Variants in OSTN observed in about 807,000 individuals in gnomAD.
OSTN encodes the protein osteocrin.
A neutral mutation model predicts 12.0 loss-of-function variants in OSTN; 9 were observed. The ratio of observed to expected loss-of-function variants is 0.75; its 90% CI spans 0.45 to 1.30. The LOEUF (loss-of-function observed/expected upper bound fraction) is 1.30, where lower values mean the gene tolerates loss of function less well. OSTN is among the 50% of genes most tolerant of loss of function. The pLI, the probability that OSTN is intolerant of heterozygous loss-of-function variation, is 0.00. For synonymous variants in OSTN, 59 were observed against 56.9 expected, an observed-to-expected ratio of 1.04 and a Z score of -0.16; for missense variants, 148 against 152.3, an observed-to-expected ratio of 0.97 and a Z score of 0.15.
rs763833031 is a variant in OSTN, at chr3:191,215,186, CA to C, written c.102+2555del. On this transcript the variant is annotated intron_variant, in intron 2 of 4. Transcript: ENST00000682035. Reference sequence around the variant, plus strand: ...GGTGGCGGGAAGGAGACTGAATTACCAAACATTTATAAAACCACCAGATCTT... The same window carrying C: ...GGTGGCGGGAAGGAGACTGAATTACCAACATTTATAAAACCACCAGATCTT... Among the ~76,000 whole-genome samples, 16 of 152,124 alleles carry C rather than the reference CA, an allele frequency of 1.1e-4. No individual in the cohort carries two copies. The East Asian group carries it at 1.9e-3, about 18-fold the overall frequency.
intron 3 of OSTN, among the ~76,000 whole-genome samples, chr3:191,219,314 G>C (rs999342142): frequency 1.3e-5 from 2 of 152,180 alleles, no homozygotes; most frequent in East Asian, 3.8e-4. Context: ...ATTTACTAGA[G>C]GTAACAGGAA....
intron 4 of OSTN, among the ~76,000 whole-genome samples, chr3:191,254,238 G>A (rs1207701069): frequency 6.6e-6 from 1 of 152,238 alleles, no homozygotes; most frequent in South Asian, 2.1e-4. Flanking sequence ...GTTAAAAACT[G>A]TCTAGAGCAG....
intron 2 of OSTN, among the ~76,000 whole-genome samples, chr3:191,214,436 CAAAAAAAAAA>C (rs71298518): frequency 1.6e-4 from 3 of 19,346 alleles, no homozygotes; most frequent in African/African-American, 3.5e-4. Context: ...GACTCCATCT[CAAAAAAAAAA>C]AAAAAAAAAA....
intron 3 of OSTN, among the ~76,000 whole-genome samples, chr3:191,232,598 A>C (rs1278980634): frequency 7.3e-6 from 1 of 137,522 alleles, no homozygotes; most frequent in Non-Finnish European, 1.6e-5. Context: ...GCAGTGACTA[A>C]ATCATTTTTT....
intron 1 of OSTN, among the ~76,000 whole-genome samples, chr3:191,204,880 A>T (rs113182353): frequency 2.9e-4 from 44 of 152,200 alleles, no homozygotes; most frequent in African/African-American, 9.9e-4. Flanking sequence ...ATAGAAAAAA[A>T]TTGGCTTCAA....
intron 3 of OSTN, among the ~76,000 whole-genome samples, chr3:191,233,839 CA>C (rs962122904): frequency 2.6e-5 from 4 of 152,138 alleles, no homozygotes; most frequent in African/African-American, 9.6e-5. Context: ...ACTAAAAATA[CA>C]AAATTTGCTG....
At chr3:191,238,170 AAG>A (rs2108545455) in intron 3 of OSTN, among the ~76,000 whole-genome samples, 1 of 152,304 alleles carries the variant, frequency 6.6e-6, no homozygotes, top group Admixed American at 6.5e-5. Flanking sequence ...AAACACAAAA[AAG>A]GGATACAGTG....
At chr3:191,242,395 A>T (rs1454046590) in intron 3 of OSTN, among the ~76,000 whole-genome samples, 1 of 152,210 alleles carries the variant, frequency 6.6e-6, no homozygotes, top group Non-Finnish European at 1.5e-5. Flanking sequence ...TCTTCCCTAA[A>T]TGAATTATAC....
At chr3:191,239,750 C>T (rs1354702411) in intron 3 of OSTN, among the ~76,000 whole-genome samples, 2 of 152,150 alleles carry the variant, frequency 1.3e-5, no homozygotes, top group East Asian at 1.9e-4. Context: ...TGTTTCTGTC[C>T]TCTATGTGAA....
chr3:191,262,225 A>G (rs1389900263), intron 4 of OSTN, among the ~76,000 whole-genome samples: 1 of 152,230 alleles, frequency 6.6e-6, no homozygotes, highest in Non-Finnish European at 1.5e-5. Context: ...AAGAAAAAAG[A>G]AAAGAAACGT....
chr3:191,255,083 TG>T (rs1715642090), intron 4 of OSTN, among the ~76,000 whole-genome samples: 1 of 151,972 alleles, frequency 6.6e-6, no homozygotes, highest in Non-Finnish European at 1.5e-5. Flanking sequence ...GGGGAGGAAA[TG>T]GTTTTGGGAT....
chr3:191,225,882 T>C (rs1714896841), intron 3 of OSTN, among the ~76,000 whole-genome samples: 1 of 152,132 alleles, frequency 6.6e-6, no homozygotes, highest in Non-Finnish European at 1.5e-5. Context: ...ATGTTCACTA[T>C]ATAGGTGATG....
rs755264364 is a variant in OSTN, at chr3:191,212,598, A to ACAGTGT, written c.66_67insCAGTGT (p.Ser22_Gly23insGlnCys). On this transcript the variant is annotated inframe_insertion, in exon 2 of 5. Coordinates refer to ENST00000682035, the MANE Select transcript of OSTN (RefSeq NM_198184.2). Reference sequence around the variant, plus strand: ...CTGTGACACTGACACTGTGGAGCTCAGGAAAAGTCCTCTCAGTAGATGTAA... The same window carrying ACAGTGT: ...CTGTGACACTGACACTGTGGAGCTCACAGTGTGGAAAAGTCCTCTCAGTAGATGTAA... 4 of 1,583,920 alleles carry ACAGTGT rather than the reference A, an allele frequency of 2.5e-6. No individual in the cohort carries two copies. Among genetic ancestry groups the ACAGTGT allele is most frequent in the Non-Finnish European group, 2.6e-6 (3 of 1,159,450 alleles).
chr3:191,252,483 T>C (rs1287471442), intron 4 of OSTN, among the ~76,000 whole-genome samples: 1 of 152,238 alleles, frequency 6.6e-6, no homozygotes, highest in African/African-American at 2.4e-5. Context: ...AATTTGTATG[T>C]TGTGTCCTTC....
chr3:191,221,406 A>T (rs1238282229), intron 3 of OSTN, among the ~76,000 whole-genome samples: 1 of 152,194 alleles, frequency 6.6e-6, no homozygotes, highest in African/African-American at 2.4e-5. Flanking sequence ...ATAATATGGG[A>T]AAGTTTGGAA....
At chr3:191,230,066 CAATAAATAAATA>C (rs71937483) in intron 3 of OSTN, among the ~76,000 whole-genome samples, 94 of 146,148 alleles carry the variant, frequency 6.4e-4, no homozygotes, top group Non-Finnish European at 1.2e-3. Context: ...GACTCAGTCT[CAATAAATAAATA>C]AATAAATAAA....
intron 3 of OSTN, among the ~76,000 whole-genome samples, chr3:191,225,326 T>G (rs1714881739): frequency 6.6e-6 from 1 of 152,208 alleles, no homozygotes; most frequent in African/African-American, 2.4e-5. Flanking sequence ...ATTTACCGTT[T>G]TTATTTAATT....
chr3:191,262,650 A>G (rs1270551782), intron 4 of OSTN, among the ~76,000 whole-genome samples: 1 of 152,258 alleles, frequency 6.6e-6, no homozygotes, highest in African/African-American at 2.4e-5. Context: ...ATACGCACCT[A>G]GCTTATATGT....
chr3:191,230,917 C>T (rs1715038404), intron 3 of OSTN, among the ~76,000 whole-genome samples: 1 of 152,166 alleles, frequency 6.6e-6, no homozygotes, highest in African/African-American at 2.4e-5. Context: ...CCAACTATTT[C>T]GAGAAGTTTG....
Sources: gnomAD v4.1 joint callset for allele counts (sites outside exome capture counted in the v4.1 genomes callset) on GRCh38, gnomAD v4.1.1 for gene constraint, MANE v1.5 for transcripts, NCBI Gene and HGNC (gene_info 2026-07-23, HGNC 2026-07-21) for gene names.